ABLIM1: variants seen among roughly 807,000 people sequenced by gnomAD.
The protein encoded by ABLIM1 is actin binding LIM protein 1.
In ABLIM1, 40 loss-of-function variants were observed where a neutral mutation model predicts 107.0. That is an observed-to-expected ratio of 0.37 (90% confidence interval 0.29 to 0.49). The LOEUF (loss-of-function observed/expected upper bound fraction) is 0.49. Ranked by LOEUF, ABLIM1 falls within the 20% of genes least tolerant of loss-of-function variation. The probability of loss-of-function intolerance (pLI) is 0.97; values close to 1 mark genes in which losing one functional copy is unlikely to be tolerated. For missense variants in ABLIM1, 857 were observed against 1,008.5 expected (o/e 0.85, Z 2.04); for synonymous variants, 357 against 357.3 (o/e 1.00, Z 0.01).
the ABLIM1 span, among the ~76,000 whole-genome samples, chr10:114,786,683 T>C: frequency 6.6e-6 from 1 of 152,194 alleles, no homozygotes; most frequent in Non-Finnish European, 1.5e-5. Context: ...CATCAGGCAT[T>C]ACATTAAGAA....
At chr10:114,569,444 C>T (rs1277359384) in intron 4 of ABLIM1, among the ~76,000 whole-genome samples, 5 of 151,968 alleles carry the variant, frequency 3.3e-5, no homozygotes, top group South Asian at 2.1e-4. Flanking sequence ...CTTAGCCTCC[C>T]GAGTAGCTGG....
intron 1 of ABLIM1, among the ~76,000 whole-genome samples, chr10:114,642,063 ATT>A (rs879325064): frequency 1.4e-5 from 2 of 146,588 alleles, no homozygotes; most frequent in African/African-American, 5.0e-5. Flanking sequence ...TTAATTTTTA[ATT>A]TTTTTTTTTT....
chr10:114,454,651 T>C (rs1051115012), intron 12 of ABLIM1, among the ~76,000 whole-genome samples: 1 of 152,196 alleles, frequency 6.6e-6, no homozygotes, highest in Non-Finnish European at 1.5e-5. Context: ...ACCAGGAGAA[T>C]GGCCAAGATA....
rs536098623 is a variant in ABLIM1, at chr10:114,643,444, C to T, written c.244+14513G>A. On this transcript the variant is annotated intron_variant, in intron 1 of 22. Coordinates refer to ENST00000533213, the MANE Select transcript of ABLIM1 (RefSeq NM_002313.7). The stretch of plus-strand genomic sequence containing the variant: ...GCTTAGAGATTATATAAAATCTCAT[C>T]ACTGTGTTTATACCCCAGTTCCTGT... Among the ~76,000 whole-genome samples the T allele has an allele frequency of 2.6e-5, 4 of 152,246 alleles. No individual in the cohort carries two copies. In the South Asian group the frequency reaches 6.2e-4, roughly 24 times the overall value.
At chr10:114,618,241 C>A (rs1372299464) in intron 1 of ABLIM1, among the ~76,000 whole-genome samples, 1 of 152,164 alleles carries the variant, frequency 6.6e-6, no homozygotes, top group Non-Finnish European at 1.5e-5. Flanking sequence ...TGTAGTGCCT[C>A]CTAGGAATAG....
intron 1 of ABLIM1, among the ~76,000 whole-genome samples, chr10:114,637,441 C>T (rs867590925): frequency 7.9e-5 from 12 of 152,318 alleles, no homozygotes; most frequent in Middle Eastern, 6.8e-3. Context: ...CCTACTCACT[C>T]TCATGTCCTT....
chr10:114,677,451 C>T (rs549905987), intron 1 of ABLIM1, among the ~76,000 whole-genome samples: 1 of 152,258 alleles, frequency 6.6e-6, no homozygotes, highest in Non-Finnish European at 1.5e-5. Flanking sequence ...ACTCCAAACT[C>T]TTCTGTATCT....
At chr10:114,550,205 A>AT (rs2067885198) in intron 4 of ABLIM1, among the ~76,000 whole-genome samples, 2 of 152,230 alleles carry the variant, frequency 1.3e-5, no homozygotes, top group South Asian at 4.1e-4. Context: ...AAGATTAAGC[A>AT]TTTTTTTAAA....
At chr10:114,514,608 G>A (rs989057883) in intron 6 of ABLIM1, among the ~76,000 whole-genome samples, 5 of 152,086 alleles carry the variant, frequency 3.3e-5, no homozygotes, top group African/African-American at 9.7e-5. Flanking sequence ...CAAGCTCCTC[G>A]GCTCAAGTGA....
At chr10:114,734,519 G>A (rs2082140118) in intron 1 of ABLIM1, among the ~76,000 whole-genome samples, 1 of 151,786 alleles carries the variant, frequency 6.6e-6, no homozygotes, top group Non-Finnish European at 1.5e-5. Flanking sequence ...CTCGCACCTT[G>A]TTCCCCCAAT....
chr10:114,673,588 C>T (rs11597188), intron 1 of ABLIM1, among the ~76,000 whole-genome samples: 47,419 of 152,134 alleles, frequency 0.31, 8,578 homozygotes, highest in South Asian at 0.43. Flanking sequence ...CACACACACT[C>T]TTATTTATCA....
At chr10:114,590,541 C>T (rs1041124313) in intron 2 of ABLIM1, among the ~76,000 whole-genome samples, 2 of 152,138 alleles carry the variant, frequency 1.3e-5, no homozygotes, top group South Asian at 2.1e-4. Flanking sequence ...TGAGGTTCTC[C>T]GTACTTCTCA....
At chr10:114,602,396 A>C (rs116621459) in intron 1 of ABLIM1, among the ~76,000 whole-genome samples, 134 of 152,202 alleles carry the variant, frequency 8.8e-4, no homozygotes, top group African/African-American at 3.2e-3. Context: ...TTTTTGTCTC[A>C]CCAGTTGTAT....
At chr10:114,533,992 G>T (rs1038550644) in intron 6 of ABLIM1, among the ~76,000 whole-genome samples, 10 of 152,172 alleles carry the variant, frequency 6.6e-5, no homozygotes, top group South Asian at 4.1e-4. Flanking sequence ...ATTACCTTGT[G>T]CACTGAGAGA....
At chr10:114,543,400 T>C (rs937203932) in intron 6 of ABLIM1, among the ~76,000 whole-genome samples, 2 of 152,230 alleles carry the variant, frequency 1.3e-5, no homozygotes, top group African/African-American at 4.8e-5. Context: ...TTTATATAAA[T>C]GGCATCATAC....
intron 1 of ABLIM1, among the ~76,000 whole-genome samples, chr10:114,672,229 C>T (rs1392992477): frequency 6.6e-6 from 1 of 151,844 alleles, no homozygotes; most frequent in Non-Finnish European, 1.5e-5. Context: ...TAGATGGAGT[C>T]TCACTCTGTT....
intron 6 of ABLIM1, among the ~76,000 whole-genome samples, chr10:114,497,840 C>T (rs1289649263): frequency 6.6e-6 from 1 of 152,180 alleles, no homozygotes; most frequent in African/African-American, 2.4e-5. Flanking sequence ...CCTGCCTACA[C>T]ATTTGAAGTG....
At chr10:114,540,372 T>A (rs1160768416) in intron 6 of ABLIM1, among the ~76,000 whole-genome samples, 1 of 152,244 alleles carries the variant, frequency 6.6e-6, no homozygotes. Context: ...GTGGCAAGCC[T>A]TGCCCAAGGG....
intron 7 of ABLIM1, among the ~76,000 whole-genome samples, chr10:114,491,034 T>C (rs1425932361): frequency 1.1e-5 from 1 of 92,028 alleles, no homozygotes. Flanking sequence ...ATGGTCTATT[T>C]TATATATATA....
Sources: gnomAD v4.1 joint callset for allele counts (sites outside exome capture counted in the v4.1 genomes callset) on GRCh38, gnomAD v4.1.1 for gene constraint, MANE v1.5 for transcripts, NCBI Gene and HGNC (gene_info 2026-07-23, HGNC 2026-07-21) for gene names.